The following SKI variants were observed in gnomAD, a reference collection of about 807,000 sequenced individuals.
SKI encodes the protein ski oncogene.
A neutral mutation model predicts 59.3 loss-of-function variants in SKI; 23 were observed. The observed-to-expected ratio is 0.39, with a 90% CI of 0.28 to 0.55. The LOEUF (loss-of-function observed/expected upper bound fraction) is 0.55. SKI is among the 20% of genes least tolerant of loss of function. The pLI is 0.67. For missense variants in SKI, 1,017 were observed against 1,038.9 expected (o/e 0.98, Z 0.29); for synonymous variants, 673 against 488.6 (o/e 1.38, Z -4.98).
chr1:2,270,191 A>G lies in SKI; in HGVS notation c.970-32787A>G, dbSNP rs943334485. ...TTGCTGCAAGAGAGGGACAGAGGTC[A>G]TCTGTCTACGAGCTAGAGCAAGGGC... On this transcript the variant is annotated intron_variant, in intron 1 of 6. Transcript: ENST00000378536. This position sits in a 1 kb window ranked among gnomAD's most constrained non-coding sequence, Gnocchi z 4.1. Among the ~76,000 whole-genome samples, 1 of 152,104 alleles carries G rather than the reference A, an allele frequency of 6.6e-6. No homozygotes were observed. The highest frequency in any genetic ancestry group is 2.4e-5 in the African/African-American group (1 of 41,418).
chr1:2,264,804 T>C lies in SKI; in HGVS notation c.969+35069T>C, dbSNP rs528176121. On this transcript the variant is annotated intron_variant, in intron 1 of 6. Transcript: ENST00000378536. ...CTTCTTGACGGACATGCCTCTTCTTTTTTTCTTTCTTTCCTTTGTTTTTTT... is the reference window on the plus strand; with the variant it reads ...CTTCTTGACGGACATGCCTCTTCTTCTTTTCTTTCTTTCCTTTGTTTTTTT... 4.6e-5 allele frequency among the ~76,000 whole-genome samples: 7 copies of C among 151,982 alleles called. No individual in the cohort carries two copies. In the South Asian group the frequency reaches 1.5e-3, roughly 32 times the overall value.
intron 1 of SKI, among the ~76,000 whole-genome samples, chr1:2,232,315 C>T (rs914774222): frequency 1.3e-5 from 2 of 152,174 alleles, no homozygotes; most frequent in African/African-American, 4.8e-5. Flanking sequence ...AATTGCCTTC[C>T]GGGTGTTTGT....
chr1:2,230,259 C>T (rs1215622676), intron 1 of SKI, among the ~76,000 whole-genome samples: 1 of 152,252 alleles, frequency 6.6e-6, no homozygotes, highest in Non-Finnish European at 1.5e-5. Flanking sequence ...GGTTTTGTTA[C>T]TGGCTCCCGC....
At chr1:2,271,622 C>T (rs1047512536) in intron 1 of SKI, among the ~76,000 whole-genome samples, 3 of 151,936 alleles carry the variant, frequency 2.0e-5, no homozygotes, top group Non-Finnish European at 4.4e-5. Flanking sequence ...TCTCGCCCCT[C>T]GGGAACCTTT....
In SKI at chr1:2,304,594, G is replaced by C. The variant is rs181520853; in HGVS notation, c.1767+9G>C. On this transcript the variant is annotated intron_variant, in intron 5 of 6. Transcript: ENST00000378536. ...AGCGCAGCCTCCACCAGGTGAGCGGGGCGAGTGGTGCTGGGAGGTCCAGGG... is the reference window on the plus strand; with the variant it reads ...AGCGCAGCCTCCACCAGGTGAGCGGCGCGAGTGGTGCTGGGAGGTCCAGGG... 259 of 1,544,502 alleles carry C rather than the reference G, an allele frequency of 1.7e-4. No individual in the cohort carries two copies. The African/African-American group carries it at 3.3e-3, about 19-fold the overall frequency.
chr1:2,286,925 C>T (rs1186456696), intron 1 of SKI, among the ~76,000 whole-genome samples: 1 of 152,258 alleles, frequency 6.6e-6, no homozygotes, highest in East Asian at 1.9e-4. Context: ...AAAAGAACAT[C>T]TTATCAAAGG....
At chr1:2,277,025 G>A (rs1639757459) in intron 1 of SKI, among the ~76,000 whole-genome samples, 1 of 152,226 alleles carries the variant, frequency 6.6e-6, no homozygotes, top group African/African-American at 2.4e-5. Flanking sequence ...TGCTGGAGCG[G>A]TTGCTTCCAT....
intron 1 of SKI, among the ~76,000 whole-genome samples, chr1:2,231,371 C>T (rs940365975): frequency 1.3e-5 from 2 of 152,082 alleles, no homozygotes; most frequent in Non-Finnish European, 2.9e-5. Context: ...TGTTTTTGTC[C>T]GACTGTGGGT....
At chr1:2,301,585 G>T (rs1293567447) in intron 1 of SKI, among the ~76,000 whole-genome samples, 1 of 152,176 alleles carries the variant, frequency 6.6e-6, no homozygotes, top group Non-Finnish European at 1.5e-5. Flanking sequence ...CCCATAATTG[G>T]AGCACCTTGA....
chr1:2,279,317 C>T (rs1050836340), intron 1 of SKI, among the ~76,000 whole-genome samples: 7 of 152,226 alleles, frequency 4.6e-5, no homozygotes, highest in Non-Finnish European at 7.3e-5. Flanking sequence ...GCAGAGACCA[C>T]CCTCTGATGA....
chr1:2,260,027 C>G (rs1639351159), intron 1 of SKI, among the ~76,000 whole-genome samples: 1 of 152,166 alleles, frequency 6.6e-6, no homozygotes, highest in Non-Finnish European at 1.5e-5. Flanking sequence ...TGGATAGATA[C>G]CTAGGTGTGG....
In SKI at chr1:2,308,121, G is replaced by A. The variant is rs1466632663; in HGVS notation, c.*1356G>A. On this transcript the variant is annotated 3_prime_UTR_variant, in exon 7 of 7. Coordinates refer to ENST00000378536, the MANE Select transcript of SKI (RefSeq NM_003036.4). ...AAAAATGATTTCCCAGTAGACAAGA[G>A]GCGGCTACCTATCCTACAGTTACGG... The A allele has an allele frequency of 1.3e-5, 2 of 152,250 alleles. No individual in the cohort carries two copies. Among genetic ancestry groups the A allele is most frequent in the Non-Finnish European group, 2.9e-5 (2 of 68,044 alleles). The allele number at this position is 152,250 out of a possible 1,614,324, so 9.4% of individuals were successfully genotyped here.
intron 1 of SKI, among the ~76,000 whole-genome samples, chr1:2,274,492 C>T (rs1639699399): frequency 6.6e-6 from 1 of 152,176 alleles, no homozygotes; most frequent in African/African-American, 2.4e-5. Flanking sequence ...GGGCCCGTGT[C>T]CTGGTCGTGG....
chr1:2,303,507 G>A lies in SKI; in HGVS notation c.1211+107G>A, dbSNP rs1455772730. The A allele has an allele frequency of 5.8e-6, 6 of 1,027,054 alleles. No homozygotes were observed. Among genetic ancestry groups the A allele is most frequent in the South Asian group, 2.8e-5 (2 of 71,808 alleles). 63.6% of individuals were successfully genotyped at this position (1,027,054 alleles called of 1,614,324 possible). ...TGCAGGCTGGGTGCCCAGACCTGCC[G>A]CCTTTTGGTCAGGGCAGTCTCGGTG... On this transcript the variant is annotated intron_variant, in intron 3 of 6. Transcript: ENST00000378536. The surrounding 1 kb of genome is among the most constrained non-coding windows in gnomAD (Gnocchi z 5.6).
At chr1:2,293,521 G>A (rs1324475930) in intron 1 of SKI, among the ~76,000 whole-genome samples, 3 of 151,198 alleles carry the variant, frequency 2.0e-5, no homozygotes, top group Admixed American at 6.6e-5. Flanking sequence ...CCCCACCATC[G>A]TGCCCTCTTC....
chr1:2,286,192 T>C (rs1640037461), intron 1 of SKI, among the ~76,000 whole-genome samples: 1 of 152,230 alleles, frequency 6.6e-6, no homozygotes, highest in African/African-American at 2.4e-5. Flanking sequence ...CTTTACCTTG[T>C]GTAATGCCAG....
chr1:2,306,477 GA>G, intron 6 of SKI, 99 bp from the exon 7 acceptor site: 1 of 1,272,856 alleles, frequency 7.9e-7, no homozygotes. Context: ...CGGCACTGGG[GA>G]GGGACAGGGA....
At chr1:2,251,472 C>T (rs568205865) in intron 1 of SKI, among the ~76,000 whole-genome samples, 2 of 152,270 alleles carry the variant, frequency 1.3e-5, no homozygotes, top group South Asian at 4.1e-4. Flanking sequence ...AGGGTTTTCC[C>T]AGCTCTCAAG....
rs542840531 is a variant in SKI at position 2,267,494 on chromosome 1, C to A, written c.970-35484C>A. ...CCTCTTCCTGCTTCAATATCCCATT[C>A]GTTCCAGAGCCTCCTTTCAGGGTGG... On this transcript the variant is annotated intron_variant, in intron 1 of 6. Coordinates refer to ENST00000378536, the MANE Select transcript of SKI (RefSeq NM_003036.4). This position sits in a 1 kb window ranked among gnomAD's most constrained non-coding sequence, Gnocchi z 4.1. 4.6e-5 allele frequency among the ~76,000 whole-genome samples: 7 copies of A among 152,220 alleles called. No individual in the cohort carries two copies. The highest frequency in any genetic ancestry group is 4.1e-4 in the South Asian group (2 of 4,834).
Sources: allele counts gnomAD v4.1 joint callset (sites outside exome capture counted in the v4.1 genomes callset), GRCh38; gene constraint gnomAD v4.1.1; non-coding constraint Gnocchi (gnomAD v3.1); transcripts MANE v1.5; gene names NCBI Gene and HGNC (gene_info 2026-07-23, HGNC 2026-07-21).